GARNL3: variants seen among roughly 807,000 people sequenced by gnomAD.
The protein encoded by GARNL3 is GTPase activating Rap/RanGAP domain like 3.
A neutral mutation model predicts 125.0 loss-of-function variants in GARNL3; 63 were observed. The observed-to-expected ratio is 0.50, with a 90% CI of 0.41 to 0.62. The LOEUF (loss-of-function observed/expected upper bound fraction) is 0.62. Among genes scored for constraint, GARNL3 ranks in the 20% least tolerant of loss-of-function variants. The pLI is 0.00. For missense variants in GARNL3, 994 were observed against 1,244.0 expected, an observed-to-expected ratio of 0.80 and a Z score of 3.02; for synonymous variants, 439 against 457.5, an observed-to-expected ratio of 0.96 and a Z score of 0.52.
In GARNL3 at chr9:127,339,698, C is replaced by A; in HGVS notation, c.1082C>A (p.Thr361Asn). 1 of 1,613,968 alleles carries A rather than the reference C, an allele frequency of 6.2e-7. No individual in the cohort carries two copies. The highest frequency in any genetic ancestry group is 1.1e-5 in the South Asian group (1 of 91,084). ...CCACTCTTTGGCCCTCCCTTGCCAA[C>A]TCCACCAGTGTTTACAGACCACCAG... ...SVPLFGPPLP[T>N]PPVFTDHQEF... The change falls in exon 13 of 28, where the codon ACT (threonine) becomes AAT (asparagine). Residue 361 changes from threonine (T) to asparagine (N), a missense_variant. Coordinates refer to ENST00000373387, the MANE Select transcript of GARNL3 (RefSeq NM_032293.5).
intron 22 of GARNL3, among the ~76,000 whole-genome samples, chr9:127,381,827 G>A (rs963467382): frequency 6.6e-6 from 1 of 150,852 alleles, no homozygotes; most frequent in Non-Finnish European, 1.5e-5. Flanking sequence ...GGATGGTCTC[G>A]ATCTCCTGAC....
chr9:127,274,922 C>CT (rs2063914789), intron 1 of GARNL3, among the ~76,000 whole-genome samples: 2 of 152,106 alleles, frequency 1.3e-5, no homozygotes, highest in Admixed American at 6.5e-5. Flanking sequence ...TTCTTGGTGT[C>CT]TGTTTGGTAA....
chr9:127,274,890 T>G (rs906769326), intron 1 of GARNL3, among the ~76,000 whole-genome samples: 1 of 152,188 alleles, frequency 6.6e-6, no homozygotes, highest in African/African-American at 2.4e-5. Flanking sequence ...AAAATGCACA[T>G]AAGTCTCTAA....
intron 1 of GARNL3, among the ~76,000 whole-genome samples, chr9:127,288,434 G>A (rs1008380174): frequency 1.3e-5 from 2 of 152,202 alleles, no homozygotes; most frequent in Non-Finnish European, 2.9e-5. Context: ...CAGGCTGCAG[G>A]CTTCGTTGTG....
intron 2 of GARNL3, among the ~76,000 whole-genome samples, chr9:127,310,075 A>G (rs1458070710): frequency 3.3e-5 from 5 of 152,234 alleles, no homozygotes; most frequent in African/African-American, 9.6e-5. Flanking sequence ...AGAGTGTTCA[A>G]TAAGTAGAAC....
In GARNL3 at chr9:127,342,300, C is replaced by G; in HGVS notation, c.1217C>G (p.Ser406Cys). Residue 406 changes from serine to cysteine, a missense_variant, in exon 14 of 28, where the codon TCT (serine) becomes TGT (cysteine). Physicochemically the swap from Ser to Cys is moderately radical, Grantham distance 112. Around this residue, in one of 5 missense-constraint regions of GARNL3, gnomAD observed 728 missense variants for 865.7 expected, o/e 0.84. Coordinates refer to ENST00000373387, the MANE Select transcript of GARNL3 (RefSeq NM_032293.5). ...RRRTLDMLIR[S>C]LHQDLMPDLH... ...CGTACCCTGGATATGTTGATTAGATCTTTACACCAGGATTTGATGCCAGAT... is the reference window on the plus strand; with the variant it reads ...CGTACCCTGGATATGTTGATTAGATGTTTACACCAGGATTTGATGCCAGAT... 6.2e-7 allele frequency: 1 copy of G among 1,613,396 alleles called. No homozygotes were observed.
At chr9:127,245,762 G>A (rs1316713185) in intron 2 of GARNL3, among the ~76,000 whole-genome samples, 1 of 152,196 alleles carries the variant, frequency 6.6e-6, no homozygotes, top group African/African-American at 2.4e-5. Flanking sequence ...AATGAGATAG[G>A]TGCTGTTATC....
At chr9:127,375,223 G>A (rs1224454078) in intron 22 of GARNL3, among the ~76,000 whole-genome samples, 2 of 152,176 alleles carry the variant, frequency 1.3e-5, no homozygotes, top group Non-Finnish European at 2.9e-5. Context: ...AGCACTTTGA[G>A]AGGCCAAGGC....
intron 27 of GARNL3, among the ~76,000 whole-genome samples, chr9:127,391,031 T>A (rs1832797259): frequency 6.6e-6 from 1 of 152,106 alleles, no homozygotes; most frequent in African/African-American, 2.4e-5. Context: ...ATGCCTTTAA[T>A]CCCAGCAGTT....
At chr9:127,245,206 C>T (rs1391336132) in intron 2 of GARNL3, 2 of 152,340 alleles carry the variant, frequency 1.3e-5, no homozygotes, top group Non-Finnish European at 2.9e-5. Flanking sequence ...GCCCGCAGTG[C>T]ACCGCGCGGG....
At chr9:127,257,642 G>C (rs1453671916) in intron 2 of GARNL3, among the ~76,000 whole-genome samples, 1 of 152,204 alleles carries the variant, frequency 6.6e-6, no homozygotes, top group Non-Finnish European at 1.5e-5. Flanking sequence ...AGAGAAAAGA[G>C]AAGTAGAATG....
At chr9:127,320,548 C>T (rs546340435) in intron 5 of GARNL3, among the ~76,000 whole-genome samples, 167 bp from the exon 6 acceptor site, 2 of 152,310 alleles carry the variant, frequency 1.3e-5, no homozygotes, top group Admixed American at 1.3e-4. Flanking sequence ...TTATATAAGT[C>T]AAGTACATGT....
At chr9:127,335,119 A>G in intron 9 of GARNL3, 111 bp from the exon 10 acceptor site, 1 of 751,688 alleles carries the variant, frequency 1.3e-6, no homozygotes, top group Non-Finnish European at 2.3e-6. Context: ...GGATAATCCA[A>G]ATATCTTGGA....
At chr9:127,324,977 T>TG in intron 6 of GARNL3, 92 bp from the exon 7 acceptor site, 2 of 1,280,586 alleles carry the variant, frequency 1.6e-6, no homozygotes, top group East Asian at 2.3e-5. Flanking sequence ...AAAATGTCAG[T>TG]GTGAGCAAAC....
chr9:127,383,401 C>A (rs1832373761), intron 22 of GARNL3, 37 bp from the exon 23 acceptor site: 2 of 1,328,286 alleles, frequency 1.5e-6, no homozygotes, highest in South Asian at 2.5e-5. Flanking sequence ...TAAGTGTTGT[C>A]TCTAACAAAA....
chr9:127,284,623 A>C (rs2131345331), intron 1 of GARNL3, among the ~76,000 whole-genome samples: 1 of 152,124 alleles, frequency 6.6e-6, no homozygotes, highest in African/African-American at 2.4e-5. Context: ...AAAAGCATTG[A>C]AAATGTGAAT....
chr9:127,261,407 G>GTTT (rs377048911), upstream of GARNL3, among the ~76,000 whole-genome samples: 29 of 117,128 alleles, frequency 2.5e-4, no homozygotes, highest in African/African-American at 6.2e-4. Context: ...TTTTTTGTTG[G>GTTT]TTTTTTTTTT....
chr9:127,356,923 A>G (rs1830717989), intron 20 of GARNL3, among the ~76,000 whole-genome samples: 1 of 152,290 alleles, frequency 6.6e-6, no homozygotes, highest in African/African-American at 2.4e-5. Flanking sequence ...GGACAGGACC[A>G]GACGACATAA....
At position 127,387,295 on chromosome 9, in the gene GARNL3, C is replaced by T. The variant is rs377506123; in HGVS notation, c.2491C>T (p.Arg831Ter). The T allele has an allele frequency of 1.9e-6, 3 of 1,614,094 alleles. No homozygotes were observed. Among genetic ancestry groups the T allele is most frequent in the African/African-American group, 1.3e-5 (1 of 75,044 alleles). Residue 831 changes from arginine (R) to a stop codon, truncating the protein, a stop_gained, in exon 25 of 28, where the codon CGA becomes TGA. Transcript: ENST00000373387. LOFTEE classifies it high-confidence loss of function. ...AAATTCTCCTCAGACACCCCCGGGC[C>T]GAGATACTCCAGTATTTCCTTCTTC... ...ARNSPQTPPG[R>*]DTPVFPSSLG...
Sources: allele counts gnomAD v4.1 joint callset (sites outside exome capture counted in the v4.1 genomes callset), GRCh38; gene constraint gnomAD v4.1.1; regional missense constraint gnomAD v4.1.1; transcripts MANE v1.5; gene names NCBI Gene and HGNC (gene_info 2026-07-23, HGNC 2026-07-21).